SEL1L3: variants seen among roughly 807,000 people sequenced by gnomAD.
The protein encoded by SEL1L3 is SEL1L family member 3.
A neutral mutation model predicts 142.8 loss-of-function variants in SEL1L3; 76 were observed. The observed-to-expected ratio is 0.53, with a 90% CI of 0.44 to 0.64. The LOEUF (loss-of-function observed/expected upper bound fraction) is 0.64, where lower values mean the gene tolerates loss of function less well. Ranked by LOEUF, SEL1L3 falls within the 30% of genes least tolerant of loss-of-function variation. SEL1L3 has a pLI of 0.00. For missense variants in SEL1L3, 1,262 were observed against 1,381.7 expected (o/e 0.91, Z 1.37); for synonymous variants, 504 against 519.6 (o/e 0.97, Z 0.41).
rs182536715 is a variant in SEL1L3, at chr4:25,848,965, C to T, written c.163-1101G>A. On this transcript the variant is annotated intron_variant, in intron 1 of 23. Coordinates refer to ENST00000399878, the MANE Select transcript of SEL1L3 (RefSeq NM_015187.5). Reference sequence around the variant, plus strand: ...ACCAGCCTGGTCAACATGGTGAAACCCTGTCTTTACTAATAATACAAAAAT... The same window carrying T: ...ACCAGCCTGGTCAACATGGTGAAACTCTGTCTTTACTAATAATACAAAAAT... 5.3e-5 allele frequency among the ~76,000 whole-genome samples: 8 copies of T among 152,214 alleles called. No individual in the cohort carries two copies. The East Asian group carries it at 1.4e-3, about 26-fold the overall frequency.
At chr4:25,800,016 T>C (rs1344994704) in intron 11 of SEL1L3, among the ~76,000 whole-genome samples, 1 of 152,186 alleles carries the variant, frequency 6.6e-6, no homozygotes, top group African/African-American at 2.4e-5. Context: ...ACAGAAGTAC[T>C]AGCCATCTTC....
rs147691552 is a variant in SEL1L3 at position 25,837,630 on chromosome 4, G to A, written c.734-2307C>T. Among the ~76,000 whole-genome samples, 1,489 of 152,096 alleles carry A rather than the reference G, an allele frequency of 9.8e-3. 27 individuals are homozygous for A. The highest frequency in any genetic ancestry group is 0.031 in the African/African-American group (1,290 of 41,470). ...TTTTCTTTCAAATCTGTAGCTTTGCGATGTGTATAATTTGGATTCCTAGTG... is the reference window on the plus strand; with the variant it reads ...TTTTCTTTCAAATCTGTAGCTTTGCAATGTGTATAATTTGGATTCCTAGTG... On this transcript the variant is annotated intron_variant, in intron 2 of 23. Coordinates refer to ENST00000399878, the MANE Select transcript of SEL1L3 (RefSeq NM_015187.5).
At chr4:25,820,107 A>T (rs1560330048) in intron 7 of SEL1L3, among the ~76,000 whole-genome samples, 167 bp from the exon 8 acceptor site, 1 of 152,142 alleles carries the variant, frequency 6.6e-6, no homozygotes, top group Non-Finnish European at 1.5e-5. Context: ...CATTGGTACT[A>T]ATTCAAGGAC....
chr4:25,744,994 C>A (rs371180822), downstream of SEL1L3, among the ~76,000 whole-genome samples: 6 of 151,964 alleles, frequency 3.9e-5, 1 homozygote, highest in East Asian at 1.2e-3. Context: ...GCAGCCCCAG[C>A]AAACTAATAC....
chr4:25,762,811 C>G (rs1718461858), intron 20 of SEL1L3, among the ~76,000 whole-genome samples: 2 of 152,150 alleles, frequency 1.3e-5, no homozygotes, highest in Middle Eastern at 3.4e-3. Flanking sequence ...AACCCCGTTT[C>G]TACTAAAAAC....
intron 2 of SEL1L3, among the ~76,000 whole-genome samples, chr4:25,835,734 C>G (rs1468190890): frequency 1.3e-5 from 2 of 152,202 alleles, no homozygotes; most frequent in African/African-American, 2.4e-5. Flanking sequence ...CTGTAGTTCT[C>G]ACTATGGTCC....
the SEL1L3 span, among the ~76,000 whole-genome samples, chr4:25,725,544 G>C: frequency 6.6e-6 from 1 of 152,068 alleles, no homozygotes; most frequent in Non-Finnish European, 1.5e-5. Flanking sequence ...TTGAACTCTT[G>C]GCCTCAAGTG....
At chr4:25,843,979 C>A (rs747306009) in intron 2 of SEL1L3, among the ~76,000 whole-genome samples, 1 of 152,234 alleles carries the variant, frequency 6.6e-6, no homozygotes, top group African/African-American at 2.4e-5. Flanking sequence ...TCTTTTTATA[C>A]ATGAAAAGGA....
chr4:25,725,972 G>T, the SEL1L3 span, among the ~76,000 whole-genome samples: 669 of 152,204 alleles, frequency 4.4e-3, 2 homozygotes, highest in Non-Finnish European at 7.6e-3. Flanking sequence ...CTCGTGACCG[G>T]TATCTTGTGA....
intron 6 of SEL1L3, among the ~76,000 whole-genome samples, chr4:25,824,828 A>T (rs1341379710): frequency 6.6e-6 from 1 of 152,234 alleles, no homozygotes; most frequent in Non-Finnish European, 1.5e-5. Flanking sequence ...ATAAAAACTA[A>T]GTTGATTATT....
chr4:25,832,228 A>G (rs1230653794), intron 5 of SEL1L3, among the ~76,000 whole-genome samples: 1 of 152,214 alleles, frequency 6.6e-6, no homozygotes, highest in Non-Finnish European at 1.5e-5. Flanking sequence ...CACCAAGGGA[A>G]GACTGTGCAT....
chr4:25,759,147 G>T, intron 20 of SEL1L3, 79 bp from the exon 21 acceptor site: 1 of 1,480,378 alleles, frequency 6.8e-7, no homozygotes, highest in Non-Finnish European at 9.1e-7. Flanking sequence ...GAATGTAAAT[G>T]TTTACAACCT....
chr4:25,831,263 G>A (rs1423120214), intron 5 of SEL1L3, among the ~76,000 whole-genome samples: 3 of 151,758 alleles, frequency 2.0e-5, no homozygotes, highest in Non-Finnish European at 2.9e-5. Context: ...TCCTAAATAC[G>A]TATTTTCCCT....
At chr4:25,761,214 G>A (rs1203181238) in intron 20 of SEL1L3, among the ~76,000 whole-genome samples, 3 of 152,208 alleles carry the variant, frequency 2.0e-5, no homozygotes, top group Non-Finnish European at 4.4e-5. Flanking sequence ...TGAGTGCAAT[G>A]GTGTGATCTC....
At chr4:25,823,299 T>C (rs1714887268) in intron 6 of SEL1L3, among the ~76,000 whole-genome samples, 1 of 152,198 alleles carries the variant, frequency 6.6e-6, no homozygotes, top group Non-Finnish European at 1.5e-5. Context: ...GCAGATCACC[T>C]GAGGTCAGGA....
chr4:25,762,924 C>T (rs1483546124), intron 20 of SEL1L3, among the ~76,000 whole-genome samples: 1 of 149,660 alleles, frequency 6.7e-6, no homozygotes, highest in Non-Finnish European at 1.5e-5. Context: ...TGCAGTGAGC[C>T]GAGATCATGC....
intron 11 of SEL1L3, among the ~76,000 whole-genome samples, chr4:25,797,298 G>A (rs1381671955): frequency 2.6e-5 from 4 of 152,148 alleles, no homozygotes; most frequent in Admixed American, 6.5e-5. Flanking sequence ...TGGGAACTCA[G>A]GAGCAGGCTC....
At chr4:25,730,717 G>C in the SEL1L3 span, among the ~76,000 whole-genome samples, 1 of 152,012 alleles carries the variant, frequency 6.6e-6, no homozygotes, top group African/African-American at 2.4e-5. Flanking sequence ...CCCACTTCCG[G>C]CTTTCATGGG....
intron 11 of SEL1L3, among the ~76,000 whole-genome samples, chr4:25,792,267 T>C (rs776599108): frequency 1.3e-5 from 2 of 152,238 alleles, no homozygotes; most frequent in Non-Finnish European, 2.9e-5. Flanking sequence ...GTCCCCAGTT[T>C]ACAGGCCAAG....
Sources: allele counts gnomAD v4.1 joint callset (sites outside exome capture counted in the v4.1 genomes callset), GRCh38; gene constraint gnomAD v4.1.1; transcripts MANE v1.5; gene names NCBI Gene and HGNC (gene_info 2026-07-23, HGNC 2026-07-21).